PIK3CB: variants seen among roughly 807,000 people sequenced by gnomAD.
PIK3CB encodes phosphatidylinositol 4,5-bisphosphate 3-kinase catalytic subunit beta isoform.
In PIK3CB, 39 loss-of-function variants were observed where a neutral mutation model predicts 136.8. The ratio of observed to expected loss-of-function variants is 0.29; its 90% CI spans 0.22 to 0.37. PIK3CB has a LOEUF of 0.37. Among genes scored for constraint, PIK3CB ranks in the 10% least tolerant of loss-of-function variants. The pLI is 1.00. For synonymous variants in PIK3CB, 428 were observed against 436.6 expected, an observed-to-expected ratio of 0.98 and a Z score of 0.25; for missense variants, 868 against 1,275.4, an observed-to-expected ratio of 0.68 and a Z score of 4.87.
chr3:138,757,604 G>C (rs1441142766), intron 3 of PIK3CB, among the ~76,000 whole-genome samples: 2 of 144,368 alleles, frequency 1.4e-5, no homozygotes, highest in African/African-American at 5.1e-5. Context: ...AGGAAGAAAG[G>C]AAGGAAGAAG....
rs1401202106 is a variant in PIK3CB at position 138,684,651 on chromosome 3, G to A, written c.2289C>T (p.Asn763=). ...EALSDLQSPL[N]PCVILSELYV... ...AGAGTTCTGAGAGGATAACACATGG[G>A]TTCAGGGGTGACTGCAGGTCAGAGA... Residue 763 remains asparagine (N), a synonymous_variant, in exon 17 of 24, where the codon AAC becomes AAT. Transcript: ENST00000674063. The A allele has an allele frequency of 6.2e-7, 1 of 1,613,506 alleles. No individual in the cohort carries two copies. The highest frequency in any genetic ancestry group is 8.5e-7 in the Non-Finnish European group (1 of 1,179,790).
At chr3:138,775,655 C>T (rs2045849461) in intron 2 of PIK3CB, among the ~76,000 whole-genome samples, 1 of 152,152 alleles carries the variant, frequency 6.6e-6, no homozygotes, top group Admixed American at 6.5e-5. Context: ...AACCCCCTCA[C>T]TGCCTCACTG....
chr3:138,731,284 ACT>A (rs1479473573), intron 8 of PIK3CB, among the ~76,000 whole-genome samples: 1 of 151,638 alleles, frequency 6.6e-6, no homozygotes, highest in Admixed American at 6.6e-5. Flanking sequence ...ATTGGGTCTC[ACT>A]CTGTCACCGG....
intron 16 of PIK3CB, among the ~76,000 whole-genome samples, chr3:138,687,547 G>A (rs2043920989): frequency 6.6e-6 from 1 of 152,150 alleles, no homozygotes; most frequent in East Asian, 1.9e-4. Flanking sequence ...ATAGCTCACT[G>A]CAACCTCAAA....
At chr3:138,658,294 G>C (rs547698918) in intron 21 of PIK3CB, among the ~76,000 whole-genome samples, 1 of 151,966 alleles carries the variant, frequency 6.6e-6, no homozygotes, top group East Asian at 1.9e-4. Context: ...ACAAATGAAG[G>C]AAAAAATTAG....
chr3:138,794,116 C>G (rs2046083691), intron 2 of PIK3CB, among the ~76,000 whole-genome samples: 1 of 152,106 alleles, frequency 6.6e-6, no homozygotes, highest in Non-Finnish European at 1.5e-5. Context: ...GTGCCCGCCA[C>G]CATGCCCAGC....
In PIK3CB at chr3:138,759,325, T is replaced by A; in HGVS notation, c.19A>T (p.Met7Leu). 1 of 1,608,528 alleles carries A rather than the reference T, an allele frequency of 6.2e-7. No homozygotes were observed. The highest frequency in any genetic ancestry group is 8.5e-7 in the Non-Finnish European group (1 of 1,175,922). The change falls in exon 3 of 24, where the codon ATG (methionine) becomes TTG (leucine). Residue 7 changes from methionine (M) to leucine (L), a missense_variant. Transcript: ENST00000674063. MCFSFIMPPAMADILDI... is the reference protein window; with the variant it reads MCFSFILPPAMADILDI... ...AGGATGTCTGCCATAGCAGGAGGCA[T>A]TATGAAACTGAAGCACATTCATAAC...
chr3:138,777,451 A>G (rs1355070312), intron 2 of PIK3CB, among the ~76,000 whole-genome samples: 4 of 152,184 alleles, frequency 2.6e-5, no homozygotes, highest in Non-Finnish European at 1.5e-5. Flanking sequence ...AAGTGTTGAC[A>G]AACTCCAGCT....
chr3:138,673,650 G>A (rs1295599029), intron 19 of PIK3CB, among the ~76,000 whole-genome samples: 1 of 151,948 alleles, frequency 6.6e-6, no homozygotes. Context: ...ATAAAACAAA[G>A]GCTTGCAGCA....
At chr3:138,695,276 C>A (rs187042666) in intron 13 of PIK3CB, among the ~76,000 whole-genome samples, 139 of 152,182 alleles carry the variant, frequency 9.1e-4, no homozygotes, top group Middle Eastern at 3.4e-3. Flanking sequence ...CTGACATCAA[C>A]GTCATGGAAG....
intron 16 of PIK3CB, among the ~76,000 whole-genome samples, chr3:138,685,965 CCT>C (rs1328005773): frequency 3.3e-5 from 5 of 151,870 alleles, no homozygotes; most frequent in Non-Finnish European, 5.9e-5. Flanking sequence ...GGAGAAACCC[CCT>C]ATCTACTAAA....
intron 1 of PIK3CB, chr3:138,826,469 G>C: frequency 1.6e-4 from 54 of 346,138 alleles, no homozygotes; most frequent in East Asian, 8.7e-4. Context: ...CCCCTCAGAA[G>C]AAAAGGAGAA....
In PIK3CB at chr3:138,654,189, G is replaced by T; in HGVS notation, c.*1200C>A. On this transcript the variant is annotated 3_prime_UTR_variant, in exon 24 of 24. Coordinates refer to ENST00000674063, the MANE Select transcript of PIK3CB (RefSeq NM_006219.3). Reference sequence around the variant, plus strand: ...GGATTGAGAGCTCCCAATATTCTTTGGAGAATAAGCAGTAGTTTTGCTGGA... The same window carrying T: ...GGATTGAGAGCTCCCAATATTCTTTTGAGAATAAGCAGTAGTTTTGCTGGA... The T allele has an allele frequency of 4.7e-6, 1 of 210,576 alleles. No individual in the cohort carries two copies. Among genetic ancestry groups the T allele is most frequent in the Non-Finnish European group, 9.6e-6 (1 of 103,902 alleles). 13.0% of individuals were successfully genotyped at this position (210,576 alleles called of 1,614,324 possible). A position where few individuals can be genotyped will look rare whatever the true frequency, so the allele number is the denominator to read the frequency against.
chr3:138,697,977 C>T (rs1374940945), intron 13 of PIK3CB, among the ~76,000 whole-genome samples: 1 of 152,170 alleles, frequency 6.6e-6, no homozygotes, highest in African/African-American at 2.4e-5. Context: ...AAGCGATCCA[C>T]CTGCCTTGGC....
At chr3:138,716,771 C>T (rs1329976724) in intron 8 of PIK3CB, among the ~76,000 whole-genome samples, 1 of 151,194 alleles carries the variant, frequency 6.6e-6, no homozygotes, top group East Asian at 1.9e-4. Context: ...TGGAGAGCAC[C>T]TGTAATCCCA....
chr3:138,792,149 C>A (rs926588211), intron 2 of PIK3CB, among the ~76,000 whole-genome samples: 4 of 151,954 alleles, frequency 2.6e-5, no homozygotes, highest in African/African-American at 9.7e-5. Flanking sequence ...GAGCTGAGAT[C>A]GCGCCATTGC....
intron 1 of PIK3CB, among the ~76,000 whole-genome samples, chr3:138,819,569 G>A (rs950637675): frequency 6.6e-6 from 1 of 152,108 alleles, no homozygotes; most frequent in Non-Finnish European, 1.5e-5. Context: ...TTTCAACCTG[G>A]GCTATACATT....
chr3:138,703,398 C>T (rs2044294265), intron 12 of PIK3CB, among the ~76,000 whole-genome samples: 1 of 152,094 alleles, frequency 6.6e-6, no homozygotes, highest in Non-Finnish European at 1.5e-5. Context: ...GCCTCCTAGT[C>T]TCTATAACAC....
chr3:138,688,175 A>C (rs978365799), intron 16 of PIK3CB, among the ~76,000 whole-genome samples: 1 of 152,152 alleles, frequency 6.6e-6, no homozygotes, highest in African/African-American at 2.4e-5. Context: ...AGAAAAGAGT[A>C]GTTTAACTGG....
Sources: gnomAD v4.1 joint callset for allele counts (sites outside exome capture counted in the v4.1 genomes callset) on GRCh38, gnomAD v4.1.1 for gene constraint, MANE v1.5 for transcripts, NCBI Gene and HGNC (gene_info 2026-07-23, HGNC 2026-07-21) for gene names.